Variants in C10orf90 observed in about 807,000 individuals in gnomAD.
C10orf90 encodes (E2-independent) E3 ubiquitin-conjugating enzyme FATS.
In C10orf90, 56 loss-of-function variants were observed where a neutral mutation model predicts 62.5. The observed-to-expected ratio is 0.90, with a 90% CI of 0.72 to 1.12. The LOEUF is 1.12. Ranked by LOEUF, C10orf90 falls within the 50% of genes most tolerant of loss-of-function variation. The probability of loss-of-function intolerance (pLI) is 0.00; values close to 1 mark genes in which losing one functional copy is unlikely to be tolerated. For missense variants in C10orf90, 970 were observed against 880.4 expected (o/e 1.10, Z -1.29); for synonymous variants, 386 against 340.4 (o/e 1.13, Z -1.47).
At chr10:126,444,373 C>G (rs1233643928) in intron 7 of C10orf90, among the ~76,000 whole-genome samples, 1 of 152,040 alleles carries the variant, frequency 6.6e-6, no homozygotes, top group Non-Finnish European at 1.5e-5. Context: ...TCCTATACAA[C>G]AAGAGCGACC....
intron 2 of C10orf90, among the ~76,000 whole-genome samples, chr10:126,553,719 A>T (rs1186239256): frequency 6.6e-6 from 1 of 152,190 alleles, no homozygotes; most frequent in Non-Finnish European, 1.5e-5. Flanking sequence ...TATACCATCT[A>T]GGTTTCTGTA....
At chr10:126,488,444 C>G (rs978389499) in intron 4 of C10orf90, among the ~76,000 whole-genome samples, 6 of 151,086 alleles carry the variant, frequency 4.0e-5, no homozygotes, top group Admixed American at 3.3e-4. Flanking sequence ...TTTTAAGAAT[C>G]TACAAAAAAT....
intron 6 of C10orf90, among the ~76,000 whole-genome samples, 158 bp from the exon 7 acceptor site, chr10:126,459,375 G>T (rs1362872077): frequency 6.6e-6 from 1 of 152,242 alleles, no homozygotes. Flanking sequence ...ACATCTTTGT[G>T]TAAAGAAGGT....
intron 2 of C10orf90, among the ~76,000 whole-genome samples, chr10:126,564,840 ATATTATATAT>A: frequency 3.3e-4 from 1 of 3,060 alleles, no homozygotes; most frequent in African/African-American, 7.8e-4. Flanking sequence ...CTCTATATAT[ATATTATATAT>A]TATATAAAAT....
chr10:126,491,491 G>C (rs764956671), intron 4 of C10orf90, among the ~76,000 whole-genome samples: 1 of 152,058 alleles, frequency 6.6e-6, no homozygotes, highest in African/African-American at 2.4e-5. Context: ...GTACAGAACC[G>C]GGTCTTTTTT....
intron 2 of C10orf90, among the ~76,000 whole-genome samples, chr10:126,533,612 C>T (rs1253503679): frequency 6.6e-6 from 1 of 152,132 alleles, no homozygotes; most frequent in East Asian, 1.9e-4. Context: ...CGGGAGCCCC[C>T]ACATTTGAGT....
At chr10:126,561,649 C>T (rs1864902356) in intron 2 of C10orf90, among the ~76,000 whole-genome samples, 1 of 152,096 alleles carries the variant, frequency 6.6e-6, no homozygotes, top group Non-Finnish European at 1.5e-5. Context: ...TGAGAAATGT[C>T]ATCTCCTGGA....
intron 2 of C10orf90, among the ~76,000 whole-genome samples, chr10:126,542,163 G>T (rs1049885258): frequency 6.6e-6 from 1 of 152,160 alleles, no homozygotes; most frequent in Admixed American, 6.6e-5. Flanking sequence ...AGTACTGGGG[G>T]AAATAGGGAC....
At chr10:126,556,800 C>G (rs1225851898) in intron 2 of C10orf90, among the ~76,000 whole-genome samples, 1 of 151,912 alleles carries the variant, frequency 6.6e-6, no homozygotes, top group Admixed American at 6.6e-5. Flanking sequence ...GGAGAGAGTT[C>G]CTGTAGACAT....
In C10orf90 at chr10:126,649,028, GTCTCTGTCTCTCTCTCTCTCTC is replaced by G. The variant is rs1303290331; in HGVS notation, c.241-2413_241-2392del. 2.5e-4 allele frequency among the ~76,000 whole-genome samples: 26 copies of G among 102,848 alleles called. 2 individuals carry two copies. The highest frequency in any genetic ancestry group is 1.1e-3 in the East Asian group (4 of 3,764). The allele number at this position is 102,848 out of a possible 152,430, so 67.5% of individuals were successfully genotyped here. On this transcript the variant is annotated intron_variant, in intron 1 of 9. Transcript: ENST00000488181. ...ACAGATGATATCTCTCTCTCTCTCT[GTCTCTGTCTCTCTCTCTCTCTC>G]TCTCTCTCTCTCTCTCTCTCTCCCC...
intron 4 of C10orf90, among the ~76,000 whole-genome samples, chr10:126,475,511 A>G (rs899303938): frequency 2.0e-5 from 3 of 152,236 alleles, no homozygotes; most frequent in African/African-American, 7.2e-5. Context: ...CTTCATCATT[A>G]GCATGGCCGT....
rs71032506 is a variant in C10orf90 at position 126,555,680 on chromosome 10, G to GTAAATAAATAAATAAA, written c.314-41757_314-41742dup. ...GGCAACAGAGGGAGACTCTATCTCA[G>GTAAATAAATAAATAAA]TAAATAAATAAATAAATAAATAAAT... is the stretch of plus-strand genomic sequence containing the variant. On this transcript the variant is annotated intron_variant, in intron 2 of 9. Transcript: ENST00000488181. Among the ~76,000 whole-genome samples, 1,152 of 136,452 alleles carry GTAAATAAATAAATAAA rather than the reference G, an allele frequency of 8.4e-3. 7 individuals carry two copies. Among genetic ancestry groups the GTAAATAAATAAATAAA allele is most frequent in the East Asian group, 0.015 (71 of 4,652 alleles). 89.5% of individuals were successfully genotyped at this position (136,452 alleles called of 152,430 possible).
chr10:126,482,988 C>T (rs1302805019), intron 4 of C10orf90, among the ~76,000 whole-genome samples: 3 of 152,234 alleles, frequency 2.0e-5, no homozygotes, highest in African/African-American at 7.2e-5. Context: ...GAATAATACA[C>T]AACACCCAGA....
At chr10:126,446,559 T>C (rs1051816183) in intron 7 of C10orf90, among the ~76,000 whole-genome samples, 1 of 152,040 alleles carries the variant, frequency 6.6e-6, no homozygotes, top group Admixed American at 6.6e-5. Context: ...AAATGAGAGA[T>C]AAAGGCTTTG....
At chr10:126,490,154 A>ATT (rs1861687585) in intron 4 of C10orf90, among the ~76,000 whole-genome samples, 5 of 141,458 alleles carry the variant, frequency 3.5e-5, no homozygotes, top group East Asian at 2.0e-4. Context: ...ACATATAATT[A>ATT]GAATATACAC....
intron 1 of C10orf90, 119 bp from the exon 2 acceptor site, chr10:126,646,756 A>G (rs964499969): frequency 7.4e-6 from 2 of 269,598 alleles, no homozygotes; most frequent in African/African-American, 2.3e-5. Context: ...AATTCTCCTG[A>G]GAAACAGATA....
At position 126,490,042 on chromosome 10, in the gene C10orf90, AT is replaced by A. The variant is rs1215564091; in HGVS notation, c.1534+13914del. Among the ~76,000 whole-genome samples the A allele has an allele frequency of 1.1e-4, 10 of 87,032 alleles. No homozygotes were observed. The Admixed American group carries it at 1.4e-3, about 12-fold the overall frequency. The allele number at this position is 87,032 out of a possible 152,430, so 57.1% of individuals were successfully genotyped here. ...ATATAATATATAATATATAATATAT[AT>A]TATATATTATGTTATATAATATATA... On this transcript the variant is annotated intron_variant, in intron 4 of 9. Transcript: ENST00000488181.
intron 7 of C10orf90, among the ~76,000 whole-genome samples, chr10:126,431,829 TACC>T (rs1407816054): frequency 6.6e-6 from 1 of 152,212 alleles, no homozygotes; most frequent in Non-Finnish European, 1.5e-5. Flanking sequence ...GAGCACCTGA[TACC>T]ACAATTAAGC....
intron 2 of C10orf90, among the ~76,000 whole-genome samples, chr10:126,589,479 G>C (rs1245271674): frequency 6.6e-6 from 1 of 152,128 alleles, no homozygotes; most frequent in East Asian, 1.9e-4. Flanking sequence ...ACCTACAAAG[G>C]GAAGCCCATC....
Sources: allele counts gnomAD v4.1 joint callset (sites outside exome capture counted in the v4.1 genomes callset), GRCh38; gene constraint gnomAD v4.1.1; transcripts MANE v1.5; gene names NCBI Gene and HGNC (gene_info 2026-07-23, HGNC 2026-07-21).